The following LRRC36 variants were observed in gnomAD, a reference collection of about 807,000 sequenced individuals.
LRRC36 encodes the protein leucine rich repeat containing 36, also known as leucine-rich repeat-containing protein 36.
Under a neutral mutation model 81.1 loss-of-function variants are expected in LRRC36, and 62 were observed. That is an observed-to-expected ratio of 0.76 (90% CI 0.62 to 0.94). The LOEUF is 0.94. LRRC36 is among the 40% of genes least tolerant of loss of function. The pLI is 0.00. For synonymous variants in LRRC36, 334 were observed against 348.6 expected (o/e 0.96, Z 0.47); for missense variants, 761 against 881.7 (o/e 0.86, Z 1.73).
Position 67,327,125 on chromosome 16 carries a change from C to T in LRRC36, c.70+193C>T, listed in dbSNP as rs2037222940. 5 of 512,548 alleles carry T rather than the reference C, an allele frequency of 9.8e-6. No homozygotes were observed. The South Asian group carries it at 1.7e-4, about 17-fold the overall frequency. 31.8% of individuals were successfully genotyped at this position (512,548 alleles called of 1,614,324 possible). ...GGTGGAGGTGGAGGAACTGAAGTAA[C>T]GGGAGGGTGTGGGGCAGAGCCCGAG... On this transcript the variant is annotated intron_variant, in intron 1 of 13. Transcript: ENST00000329956.
At chr16:67,352,709 A>G (rs2038711502) in intron 5 of LRRC36, among the ~76,000 whole-genome samples, 1 of 149,734 alleles carries the variant, frequency 6.7e-6, no homozygotes, top group African/African-American at 2.5e-5. Context: ...GCAGGGTCTC[A>G]TTCTGTTGCC....
At position 67,367,458 on chromosome 16, in the gene LRRC36, G is replaced by A. The variant is rs1430556789; in HGVS notation, c.1195+1G>A. On this transcript the variant is annotated splice_donor_variant, in intron 8 of 13. Coordinates refer to ENST00000329956, the MANE Select transcript of LRRC36 (RefSeq NM_018296.6). LOFTEE classifies it high-confidence loss of function. Reference sequence around the variant, plus strand: ...GGAAGGCTTTTGAAGCTTAGTTCAGGTAACAGCTTCCTGTCAGTTTACAGG... The same window carrying A: ...GGAAGGCTTTTGAAGCTTAGTTCAGATAACAGCTTCCTGTCAGTTTACAGG... 1 of 1,605,188 alleles carries A rather than the reference G, an allele frequency of 6.2e-7. No homozygotes were observed. Among genetic ancestry groups the A allele is most frequent in the African/African-American group, 1.3e-5 (1 of 74,338 alleles).
At chr16:67,355,178 T>G (rs1369355411) in intron 5 of LRRC36, among the ~76,000 whole-genome samples, 1 of 152,186 alleles carries the variant, frequency 6.6e-6, no homozygotes. Flanking sequence ...ACATCTTGGT[T>G]GCTTCCAAGT....
At chr16:67,378,827 G>T in intron 12 of LRRC36, 115 bp downstream of exon 12, 2 of 1,135,278 alleles carry the variant, frequency 1.8e-6, no homozygotes, top group South Asian at 1.6e-5. Flanking sequence ...TGGCCTACTT[G>T]GTCATCAGTT....
intron 1 of LRRC36, among the ~76,000 whole-genome samples, chr16:67,337,338 T>C (rs2037809163): frequency 6.6e-6 from 1 of 151,886 alleles, no homozygotes; most frequent in Non-Finnish European, 1.5e-5. Flanking sequence ...TTTTAATTTT[T>C]ATTATTTCTT....
rs755310536 is a variant in LRRC36, at chr16:67,367,467, T to C, written c.1195+10T>C. 6.2e-7 allele frequency: 1 copy of C among 1,601,010 alleles called. No homozygotes were observed. Among genetic ancestry groups the C allele is most frequent in the East Asian group, 2.2e-5 (1 of 44,788 alleles). On this transcript the variant is annotated intron_variant, in intron 8 of 13. Coordinates refer to ENST00000329956, the MANE Select transcript of LRRC36 (RefSeq NM_018296.6). ...TTGAAGCTTAGTTCAGGTAACAGCT[T>C]CCTGTCAGTTTACAGGTCTTCTTCA...
intron 9 of LRRC36, among the ~76,000 whole-genome samples, chr16:67,373,624 C>A (rs1206986410): frequency 3.4e-5 from 5 of 147,356 alleles, no homozygotes; most frequent in African/African-American, 1.3e-4. Flanking sequence ...AGGAGAATCA[C>A]TTGAACCTAG....
At chr16:67,335,878 A>C (rs1383870905) in intron 1 of LRRC36, among the ~76,000 whole-genome samples, 1 of 152,004 alleles carries the variant, frequency 6.6e-6, no homozygotes, top group Non-Finnish European at 1.5e-5. Context: ...GATTACGGGC[A>C]TGTGCCACTA....
chr16:67,344,656 G>A (rs1040475722), intron 2 of LRRC36, among the ~76,000 whole-genome samples: 1 of 152,122 alleles, frequency 6.6e-6, no homozygotes, highest in African/African-American at 2.4e-5. Context: ...AGTCCTAATG[G>A]TGCACTGCCC....
At chr16:67,361,995 C>T (rs1352723002) in intron 5 of LRRC36, among the ~76,000 whole-genome samples, 5 of 152,018 alleles carry the variant, frequency 3.3e-5, no homozygotes, top group Non-Finnish European at 5.9e-5. Flanking sequence ...CTTTAGGAAG[C>T]CAAGGCTGGC....
chr16:67,368,126 C>A (rs575530998), intron 8 of LRRC36, among the ~76,000 whole-genome samples: 1 of 152,292 alleles, frequency 6.6e-6, no homozygotes, highest in East Asian at 1.9e-4. Context: ...TTTATTCAAC[C>A]AAACTCATTG....
intron 5 of LRRC36, among the ~76,000 whole-genome samples, chr16:67,362,897 C>A (rs756066123): frequency 6.6e-6 from 1 of 152,126 alleles, no homozygotes; most frequent in Non-Finnish European, 1.5e-5. Flanking sequence ...CCTGCCTTAG[C>A]CTCCTGAGTA....
intron 12 of LRRC36, among the ~76,000 whole-genome samples, chr16:67,380,922 G>T (rs2040083205): frequency 6.6e-6 from 1 of 152,142 alleles, no homozygotes; most frequent in Non-Finnish European, 1.5e-5. Context: ...CAGGTGATTT[G>T]TAAGCATATT....
intron 2 of LRRC36, among the ~76,000 whole-genome samples, chr16:67,343,768 A>G (rs558674199): frequency 2.5e-4 from 38 of 151,836 alleles, no homozygotes; most frequent in African/African-American, 8.7e-4. Flanking sequence ...TGCTTGGCAT[A>G]TAGGAAGCAC....
chr16:67,383,692 G>C (rs1022089007), intron 13 of LRRC36, among the ~76,000 whole-genome samples: 1 of 152,214 alleles, frequency 6.6e-6, no homozygotes, highest in African/African-American at 2.4e-5. Flanking sequence ...TTGATTCTTA[G>C]GGAATTTTAA....
chr16:67,368,042 C>G (rs758928839), intron 8 of LRRC36, among the ~76,000 whole-genome samples: 1 of 152,172 alleles, frequency 6.6e-6, no homozygotes, highest in East Asian at 1.9e-4. Flanking sequence ...GGCAACAGAG[C>G]AAGACTCCAT....
chr16:67,347,435 C>T, intron 3 of LRRC36, 60 bp from the exon 4 acceptor site: 1 of 1,603,998 alleles, frequency 6.2e-7, no homozygotes, highest in Non-Finnish European at 8.5e-7. Flanking sequence ...TTCTGATTAA[C>T]TACTAGTTAT....
At chr16:67,375,463 C>A in intron 10 of LRRC36, 51 bp downstream of exon 10, 1 of 1,482,926 alleles carries the variant, frequency 6.7e-7, no homozygotes, top group Non-Finnish European at 9.0e-7. Flanking sequence ...TTTTCCTCTG[C>A]TCTGTGTTCT....
At chr16:67,360,085 A>G (rs1192664240) in intron 5 of LRRC36, among the ~76,000 whole-genome samples, 1 of 151,618 alleles carries the variant, frequency 6.6e-6, no homozygotes, top group Admixed American at 6.6e-5. Context: ...AGATTGCGCC[A>G]TTGCACTCCA....
Sources: gnomAD v4.1 joint callset for allele counts (sites outside exome capture counted in the v4.1 genomes callset) on GRCh38, gnomAD v4.1.1 for gene constraint, MANE v1.5 for transcripts, NCBI Gene and HGNC (gene_info 2026-07-23, HGNC 2026-07-21) for gene names.